The following TMCC3 variants were observed in gnomAD, a reference collection of about 807,000 sequenced individuals.
TMCC3 encodes the protein transmembrane and coiled-coil domain protein 3.
Under a neutral mutation model 40.2 loss-of-function variants are expected in TMCC3, and 28 were observed. The observed-to-expected ratio is 0.70, with a 90% confidence interval of 0.52 to 0.95. The LOEUF (loss-of-function observed/expected upper bound fraction) is 0.95, where lower values mean the gene tolerates loss of function less well. Among genes scored for constraint, TMCC3 ranks in the 40% least tolerant of loss-of-function variants. The pLI is 0.00. For synonymous variants in TMCC3, 255 were observed against 248.5 expected, an observed-to-expected ratio of 1.03 and a Z score of -0.25; for missense variants, 554 against 615.2, an observed-to-expected ratio of 0.90 and a Z score of 1.05.
At chr12:94,621,851 A>C (rs768057403) in intron 1 of TMCC3, among the ~76,000 whole-genome samples, 2 of 152,182 alleles carry the variant, frequency 1.3e-5, no homozygotes, top group Non-Finnish European at 2.9e-5. Flanking sequence ...CCAAGTGATT[A>C]ATAAAGCCTG....
intron 1 of TMCC3, among the ~76,000 whole-genome samples, chr12:94,589,237 T>C (rs1370999236): frequency 6.6e-6 from 1 of 152,142 alleles, no homozygotes. Context: ...CGCCAAAAGA[T>C]TGGAAACCCC....
intron 1 of TMCC3, among the ~76,000 whole-genome samples, chr12:94,599,556 A>AG (rs2068739134): frequency 1.4e-5 from 1 of 69,508 alleles, no homozygotes; most frequent in Non-Finnish European, 3.2e-5. Flanking sequence ...TTTAAAAGAT[A>AG]CCCCCCCCCC....
chr12:94,597,120 A>AAAAAAAAAAAAATATAT (rs2068719307), intron 1 of TMCC3, among the ~76,000 whole-genome samples: 1 of 5,486 alleles, frequency 1.8e-4, no homozygotes, highest in African/African-American at 4.5e-4. Flanking sequence ...TCTCTATTAA[A>AAAAAAAAAAAAATATAT]ATACATATAT....
At chr12:94,604,471 CT>C (rs928313315) in intron 1 of TMCC3, among the ~76,000 whole-genome samples, 1 of 151,928 alleles carries the variant, frequency 6.6e-6, no homozygotes, top group African/African-American at 2.4e-5. Context: ...AAGCTCTGCC[CT>C]AAGAGGTCAC....
At chr12:94,633,512 CT>C (rs2068944366) in intron 1 of TMCC3, among the ~76,000 whole-genome samples, 1 of 152,220 alleles carries the variant, frequency 6.6e-6, no homozygotes, top group South Asian at 2.1e-4. Flanking sequence ...CACAGAGCCA[CT>C]TGGTTAATGA....
Position 94,582,483 on chromosome 12 carries a change from C to G in TMCC3, c.134G>C (p.Gly45Ala), listed in dbSNP as rs1437997800. 1 of 1,613,658 alleles carries G rather than the reference C, an allele frequency of 6.2e-7. No individual in the cohort carries two copies. Among genetic ancestry groups the G allele is most frequent in the Non-Finnish European group, 8.5e-7 (1 of 1,179,970 alleles). ...ATCAAAGTTGAGGTTGGTGTCTGAC[C>G]CCCCTCGGCGTATGTTCAGGGGCAG... Reference protein sequence around the residue: ...LSLPLNIRRGGSDTNLNFDVP... With the variant: ...LSLPLNIRRGASDTNLNFDVP... Residue 45 changes from glycine (G) to alanine (A), a missense_variant, in exon 2 of 4, where the codon GGG (glycine) becomes GCG (alanine). Coordinates refer to ENST00000261226, the MANE Select transcript of TMCC3 (RefSeq NM_020698.4).
chr12:94,633,918 T>C (rs1032735360), intron 1 of TMCC3, among the ~76,000 whole-genome samples: 2 of 152,060 alleles, frequency 1.3e-5, no homozygotes, highest in South Asian at 4.1e-4. Flanking sequence ...TGTTTTTCAA[T>C]AGTACATATA....
chr12:94,567,725 C>G lies in TMCC3; in HGVS notation c.*3710G>C, dbSNP rs2068503380. Reference sequence around the variant, plus strand: ...TGGTGCCATTTCTTCCTACCCCCAGCCCACTCCTCAGAATTACAGAAATAT... The same window carrying G: ...TGGTGCCATTTCTTCCTACCCCCAGGCCACTCCTCAGAATTACAGAAATAT... On this transcript the variant is annotated 3_prime_UTR_variant, in exon 4 of 4. Coordinates refer to ENST00000261226, the MANE Select transcript of TMCC3 (RefSeq NM_020698.4). 1 of 152,156 alleles carries G rather than the reference C, an allele frequency of 6.6e-6. No individual in the cohort carries two copies. The highest frequency in any genetic ancestry group is 2.4e-5 in the African/African-American group (1 of 41,428). 9.4% of individuals were successfully genotyped at this position (152,156 alleles called of 1,614,324 possible). A position where few individuals can be genotyped will look rare whatever the true frequency, so the allele number is the denominator to read the frequency against.
intron 1 of TMCC3, among the ~76,000 whole-genome samples, chr12:94,639,805 G>T (rs1349595757): frequency 6.7e-6 from 1 of 150,008 alleles, no homozygotes; most frequent in African/African-American, 2.5e-5. Flanking sequence ...AAAGAAGCAG[G>T]CTATAAAAAT....
rs1178986394 is a variant in TMCC3 at position 94,572,330 on chromosome 12, A to ATTTTTTTTT, written c.1132-594_1132-593insAAAAAAAAA. On this transcript the variant is annotated intron_variant, in intron 3 of 3. Coordinates refer to ENST00000261226, the MANE Select transcript of TMCC3 (RefSeq NM_020698.4). ...TCTTTTTTTTTTTTTTTTTTTTTTGAGACAGAGTTTCACTCTGTCACCCAG... is the reference window on the plus strand; with the variant it reads ...TCTTTTTTTTTTTTTTTTTTTTTTGATTTTTTTTTGACAGAGTTTCACTCTGTCACCCAG... Among the ~76,000 whole-genome samples, 80 of 82,912 alleles carry ATTTTTTTTT rather than the reference A, an allele frequency of 9.6e-4. 4 individuals carry two copies. The highest frequency in any genetic ancestry group is 1.1e-3 in the African/African-American group (18 of 16,668). 54.4% of individuals were successfully genotyped at this position (82,912 alleles called of 152,430 possible).
intron 1 of TMCC3, among the ~76,000 whole-genome samples, chr12:94,630,257 A>C (rs2366627): frequency 8.5e-4 from 3 of 3,542 alleles, no homozygotes; most frequent in Admixed American, 2.6e-3. Flanking sequence ...ACTCTGTCCC[A>C]AAAAAAAAAA....
intron 3 of TMCC3, among the ~76,000 whole-genome samples, chr12:94,578,146 C>CAAA (rs1183420863): frequency 1.8e-3 from 64 of 34,600 alleles, no homozygotes; most frequent in East Asian, 7.5e-3. Flanking sequence ...AGACTCACCT[C>CAAA]AAAAAAAAAA....
intron 1 of TMCC3, among the ~76,000 whole-genome samples, chr12:94,640,263 C>T (rs1037716827): frequency 1.3e-5 from 2 of 151,970 alleles, no homozygotes; most frequent in Non-Finnish European, 2.9e-5. Flanking sequence ...ACCCCTCCCA[C>T]CTCACCCCTC....
rs1480882674 is a variant in TMCC3, at chr12:94,569,550, G to C, written c.*1885C>G. 2 of 152,084 alleles carry C rather than the reference G, an allele frequency of 1.3e-5. No homozygotes were observed. The highest frequency in any genetic ancestry group is 2.9e-5 in the Non-Finnish European group (2 of 68,020). 9.4% of individuals were successfully genotyped at this position (152,084 alleles called of 1,614,324 possible). ...TTTATCACCAAAGATTTCATGAAATGACATTTATTGTTTAAAAAAGCGTGA... is the reference window on the plus strand; with the variant it reads ...TTTATCACCAAAGATTTCATGAAATCACATTTATTGTTTAAAAAAGCGTGA... On this transcript the variant is annotated 3_prime_UTR_variant, in exon 4 of 4. Transcript: ENST00000261226.
rs2068504778 is a variant in TMCC3 at position 94,567,988 on chromosome 12, A to C, written c.*3447T>G. 1 of 152,230 alleles carries C rather than the reference A, an allele frequency of 6.6e-6. No homozygotes were observed. Among genetic ancestry groups the C allele is most frequent in the East Asian group, 1.9e-4 (1 of 5,200 alleles). The allele number at this position is 152,230 out of a possible 1,614,324, so 9.4% of individuals were successfully genotyped here. A position where few individuals can be genotyped will look rare whatever the true frequency, so the allele number is the denominator to read the frequency against. ...TGCTAGAGAAATGGCAAGGCAATAA[A>C]CACAGAGTGGGGCAATATTTAAATG... is the stretch of plus-strand genomic sequence containing the variant. On this transcript the variant is annotated 3_prime_UTR_variant, in exon 4 of 4. Coordinates refer to ENST00000261226, the MANE Select transcript of TMCC3 (RefSeq NM_020698.4).
intron 1 of TMCC3, among the ~76,000 whole-genome samples, chr12:94,647,400 G>A (rs996429301): frequency 3.9e-5 from 6 of 152,192 alleles, no homozygotes; most frequent in Non-Finnish European, 8.8e-5. Flanking sequence ...CAGCAAGACA[G>A]ACCATGTAGT....
At chr12:94,646,410 C>A (rs1252248110) in intron 1 of TMCC3, among the ~76,000 whole-genome samples, 1 of 143,848 alleles carries the variant, frequency 7.0e-6, no homozygotes, top group Non-Finnish European at 1.5e-5. Flanking sequence ...TTTTAAATAG[C>A]TAATATTTGA....
intron 1 of TMCC3, among the ~76,000 whole-genome samples, chr12:94,645,385 T>A (rs1594302356): frequency 6.6e-6 from 1 of 152,204 alleles, no homozygotes; most frequent in African/African-American, 2.4e-5. Context: ...AGGTCCCCTA[T>A]TCAAAATGCT....
In TMCC3 at chr12:94,582,228, T is replaced by G; in HGVS notation, c.389A>C (p.Gln130Pro). ...TCGATGATACTGCTCTAACTTCTTC[T>G]GCAGCTGGGCGATGGAGTGAGCTGA... The part of the protein sequence containing the change: ...QKSAHSIAQL[Q>P]KKLEQYHRKL... The change falls in exon 2 of 4, where the codon CAG becomes CCG. Residue 130 changes from glutamine to proline, a missense_variant. Gln to Pro is a moderately conservative substitution (Grantham distance 76). Coordinates refer to ENST00000261226, the MANE Select transcript of TMCC3 (RefSeq NM_020698.4). 2 of 1,614,212 alleles carry G rather than the reference T, an allele frequency of 1.2e-6. No individual in the cohort carries two copies. Among genetic ancestry groups the G allele is most frequent in the Non-Finnish European group, 1.7e-6 (2 of 1,180,038 alleles).
Sources: gnomAD v4.1 joint callset for allele counts (sites outside exome capture counted in the v4.1 genomes callset) on GRCh38, gnomAD v4.1.1 for gene constraint, MANE v1.5 for transcripts, NCBI Gene and HGNC (gene_info 2026-07-23, HGNC 2026-07-21) for gene names.